The following PKHD1 variants were observed in gnomAD, a reference collection of about 807,000 sequenced individuals.
The protein encoded by PKHD1 is PKHD1 ciliary IPT domain containing fibrocystin/polyductin, also known as fibrocystin.
In PKHD1, 291 loss-of-function variants were observed where a neutral mutation model predicts 412.0. The ratio of observed to expected loss-of-function variants is 0.71; its 90% confidence interval spans 0.64 to 0.78. The LOEUF (loss-of-function observed/expected upper bound fraction) is 0.78, where lower values mean the gene tolerates loss of function less well. Among genes scored for constraint, PKHD1 ranks in the 30% least tolerant of loss-of-function variants. The probability of loss-of-function intolerance (pLI) is 0.00; values close to 1 mark genes in which losing one functional copy is unlikely to be tolerated. For synonymous variants in PKHD1, 1,777 were observed against 1,821.5 expected, an observed-to-expected ratio of 0.98 and a Z score of 0.62; for missense variants, 4,825 against 4,950.7, an observed-to-expected ratio of 0.97 and a Z score of 0.76.
chr6:51,702,168 A>ACG lies in PKHD1; in HGVS notation c.10157-42200_10157-42199insCG, dbSNP rs1193297117. On this transcript the variant is annotated intron_variant, in intron 60 of 66. Transcript: ENST00000371117. Reference sequence around the variant, plus strand: ...TATTATTATATATTATATATATTATATGTATAATATATAATATATTATATA... The same window carrying ACG: ...TATTATTATATATTATATATATTATACGTGTATAATATATAATATATTATATA... Among the ~76,000 whole-genome samples the ACG allele has an allele frequency of 1.8e-4, 26 of 146,942 alleles. 1 individual carries two copies. The highest frequency in any genetic ancestry group is 5.9e-4 in the African/African-American group (24 of 40,424).
chr6:51,909,421 C>T lies in PKHD1; in HGVS notation c.6544G>A (p.Asp2182Asn). 1 of 1,613,412 alleles carries T rather than the reference C, an allele frequency of 6.2e-7. No individual in the cohort carries two copies. Among genetic ancestry groups the T allele is most frequent in the Non-Finnish European group, 8.5e-7 (1 of 1,179,546 alleles). Residue 2182 changes from aspartate to asparagine, a missense_variant, in exon 40 of 67, where the codon GAT becomes AAT. Physicochemically the swap from Asp to Asn is conservative, Grantham distance 23. Coordinates refer to ENST00000371117, the MANE Select transcript of PKHD1 (RefSeq NM_138694.4). ...SMSEKMLGSR[D>N]MGARVIVQSF... is the part of the protein sequence containing the mutation. ...TGAACGATCACTCTGGCTCCCATAT[C>T]CCTGGATCCTAGCATCTTCTCACTC... is the stretch of plus-strand genomic sequence containing the variant.
At chr6:52,022,674 T>G in intron 33 of PKHD1, 127 bp downstream of exon 33, 1 of 921,582 alleles carries the variant, frequency 1.1e-6, no homozygotes, top group Non-Finnish European at 1.7e-6. Flanking sequence ...GTAGAGAAAT[T>G]CTTTTCCTAG....
chr6:52,014,022 T>C (rs1284695151), intron 34 of PKHD1, among the ~76,000 whole-genome samples: 1 of 152,216 alleles, frequency 6.6e-6, no homozygotes, highest in Non-Finnish European at 1.5e-5. Context: ...AACACTGCCA[T>C]GGCTTGACTG....
At chr6:52,070,079 C>A (rs914612046) in intron 10 of PKHD1, among the ~76,000 whole-genome samples, 1 of 152,142 alleles carries the variant, frequency 6.6e-6, no homozygotes, top group African/African-American at 2.4e-5. Context: ...CTAGATGGTA[C>A]AATGTATTTC....
At chr6:51,892,225 G>A (rs1486790024) in intron 43 of PKHD1, among the ~76,000 whole-genome samples, 2 of 152,160 alleles carry the variant, frequency 1.3e-5, no homozygotes, top group Non-Finnish European at 2.9e-5. Context: ...ACCACAGGGT[G>A]CTCACCAAAA....
Position 52,043,013 on chromosome 6 carries a change from T to C in PKHD1, c.2943A>G (p.Val981=). ...CKVIFSNQTN[V]VCQTDLLPVG... is the part of the protein sequence containing the mutation. Reference sequence around the variant, plus strand: ...CAGGTAGCAAATCTGTCTGACAGACTACATTGGTCTGGTTTGAGAAAATAA... The same window carrying C: ...CAGGTAGCAAATCTGTCTGACAGACCACATTGGTCTGGTTTGAGAAAATAA... The change falls in exon 27 of 67, where the codon GTA becomes GTG. Residue 981 remains valine (V), a synonymous_variant. Coordinates refer to ENST00000371117, the MANE Select transcript of PKHD1 (RefSeq NM_138694.4). 6.2e-7 allele frequency: 1 copy of C among 1,614,090 alleles called. No homozygotes were observed. Among genetic ancestry groups the C allele is most frequent in the Non-Finnish European group, 8.5e-7 (1 of 1,179,918 alleles).
At chr6:51,901,529 G>A (rs1781288250) in intron 43 of PKHD1, among the ~76,000 whole-genome samples, 2 of 152,038 alleles carry the variant, frequency 1.3e-5, no homozygotes, top group Non-Finnish European at 2.9e-5. Context: ...GTGGGGTGGG[G>A]GGAGTGGGGA....
chr6:51,840,406 G>T (rs897745948), intron 50 of PKHD1, among the ~76,000 whole-genome samples: 4 of 152,092 alleles, frequency 2.6e-5, no homozygotes, highest in African/African-American at 9.7e-5. Flanking sequence ...GAATTTTGGG[G>T]GGGACAAAAG....
chr6:51,943,609 T>C (rs1012594100), intron 36 of PKHD1, among the ~76,000 whole-genome samples: 1 of 151,660 alleles, frequency 6.6e-6, no homozygotes, highest in Non-Finnish European at 1.5e-5. Context: ...GGCAGGGCTA[T>C]GCTGAACCTC....
intron 51 of PKHD1, 94 bp from the exon 52 acceptor site, chr6:51,831,083 C>G: frequency 1.2e-6 from 1 of 863,900 alleles, no homozygotes; most frequent in Admixed American, 2.0e-5. Flanking sequence ...TTTTCACCTC[C>G]CAAAGAAGCT....
Position 51,807,452 on chromosome 6 carries a change from A to T in PKHD1, c.8303-16079T>A, listed in dbSNP as rs1379748553. Among the ~76,000 whole-genome samples, 99 of 82,294 alleles carry T rather than the reference A, an allele frequency of 1.2e-3. 1 individual carries two copies. The highest frequency in any genetic ancestry group is 1.9e-3 in the African/African-American group (32 of 16,760). The allele number at this position is 82,294 out of a possible 152,430, so 54.0% of individuals were successfully genotyped here. A position where few individuals can be genotyped will look rare whatever the true frequency, so the allele number is the denominator to read the frequency against. On this transcript the variant is annotated intron_variant, in intron 52 of 66. Coordinates refer to ENST00000371117, the MANE Select transcript of PKHD1 (RefSeq NM_138694.4). ...GACTCTGTCTCAAAAAAAAAAAAAA[A>T]AAAAAAATATATATATATATATATA...
chr6:52,045,894 A>G (rs553858105), intron 24 of PKHD1, 110 bp downstream of exon 24: 1 of 803,520 alleles, frequency 1.2e-6, no homozygotes, highest in South Asian at 1.5e-5. Flanking sequence ...AAATATTCCA[A>G]CAAAATTAAT....
chr6:51,880,778 T>TAAAAAAAAAAAAAAAAAA (rs1777137313), intron 46 of PKHD1, among the ~76,000 whole-genome samples: 1 of 10,542 alleles, frequency 9.5e-5, no homozygotes. Flanking sequence ...AAAAAAAAAA[T>TAAAAAAAAAAAAAAAAAA]TAAAAAAAAA....
chr6:51,772,320 A>G (rs1308612510), intron 55 of PKHD1, among the ~76,000 whole-genome samples: 1 of 151,608 alleles, frequency 6.6e-6, no homozygotes, highest in Non-Finnish European at 1.5e-5. Context: ...CATATGTTTC[A>G]TCTCCCTCCT....
chr6:51,909,297 A>C lies in PKHD1; in HGVS notation c.6668T>G (p.Val2223Gly). Residue 2223 changes from valine (V) to glycine (G), a missense_variant, in exon 40 of 67, where the codon GTG becomes GGG. Physicochemically the swap from Val to Gly is moderately radical, Grantham distance 109 (BLOSUM62 -3). Coordinates refer to ENST00000371117, the MANE Select transcript of PKHD1 (RefSeq NM_138694.4). ...FHKHLSSLTL[V>G]GAMRESFIQG... ...GACCCCCTTACCTCTCATAGCTCCC[A>C]CCAGAGTGAGTGAGCTCAGATGCTT... The C allele has an allele frequency of 1.2e-6, 2 of 1,613,042 alleles. No homozygotes were observed. The highest frequency in any genetic ancestry group is 8.5e-7 in the Non-Finnish European group (1 of 1,179,240).
At chr6:52,044,865 AC>A (rs1805526687) in intron 25 of PKHD1, 100 bp downstream of exon 25, 1 of 1,335,796 alleles carries the variant, frequency 7.5e-7, no homozygotes, top group East Asian at 2.3e-5. Context: ...TGGCAAAATG[AC>A]CCTTAAGAGC....
chr6:52,017,654 A>G (rs1469782160), intron 33 of PKHD1, 25 bp from the exon 34 acceptor site: 1 of 1,577,394 alleles, frequency 6.3e-7, no homozygotes, highest in Non-Finnish European at 8.7e-7. Context: ...CACCATTAGG[A>G]AAGAACCACA....
intron 57 of PKHD1, among the ~76,000 whole-genome samples, chr6:51,749,932 C>T (rs1306506414): frequency 2.0e-5 from 3 of 152,084 alleles, no homozygotes; most frequent in South Asian, 2.1e-4. Flanking sequence ...CTAAAGTAAA[C>T]TATAAAGTTA....
intron 60 of PKHD1, chr6:51,739,971 T>C (rs747321862): frequency 1.9e-6 from 1 of 518,894 alleles, no homozygotes; most frequent in Non-Finnish European, 3.8e-6. Flanking sequence ...AGCTTTGGTA[T>C]CTGCCTAATT....
Sources: gnomAD v4.1 joint callset for allele counts (sites outside exome capture counted in the v4.1 genomes callset) on GRCh38, gnomAD v4.1.1 for gene constraint, MANE v1.5 for transcripts, NCBI Gene and HGNC (gene_info 2026-07-23, HGNC 2026-07-21) for gene names.